The following MITF variants were observed in gnomAD, a reference collection of about 807,000 sequenced individuals.
MITF encodes the protein melanocyte inducing transcription factor.
MITF carries 17 observed loss-of-function variants against 60.5 expected under a neutral mutation model. That is an observed-to-expected ratio of 0.28 (90% CI 0.19 to 0.42). The LOEUF (loss-of-function observed/expected upper bound fraction) is 0.42. Ranked by LOEUF, MITF falls within the 10% of genes least tolerant of loss-of-function variation. The pLI is 1.00. For synonymous variants in MITF, 260 were observed against 248.5 expected, an observed-to-expected ratio of 1.05 and a Z score of -0.43; for missense variants, 622 against 683.5, an observed-to-expected ratio of 0.91 and a Z score of 1.00.
chr3:69,798,365 C>G (rs2062864461), intron 1 of MITF, among the ~76,000 whole-genome samples: 1 of 152,090 alleles, frequency 6.6e-6, no homozygotes, highest in Non-Finnish European at 1.5e-5. Context: ...TCACTTAGTC[C>G]CCTTGGAGTC....
At chr3:69,947,975 C>A (rs2066141592) in intron 5 of MITF, among the ~76,000 whole-genome samples, 1 of 152,174 alleles carries the variant, frequency 6.6e-6, no homozygotes, top group African/African-American at 2.4e-5. Context: ...TTACTAGATA[C>A]TTCTCAGTCA....
chr3:69,823,082 T>C (rs1449072611), intron 1 of MITF, among the ~76,000 whole-genome samples: 4 of 152,180 alleles, frequency 2.6e-5, no homozygotes, highest in Non-Finnish European at 5.9e-5. Flanking sequence ...TTTTGCCATG[T>C]TGGCCAGGCT....
intron 1 of MITF, among the ~76,000 whole-genome samples, chr3:69,845,843 T>C (rs1289755253): frequency 3.9e-5 from 6 of 152,230 alleles, no homozygotes; most frequent in Admixed American, 6.5e-5. Flanking sequence ...TTTTCTTTAA[T>C]GTCCCTCTTA....
At chr3:69,935,361 A>G (rs1559730603) in intron 2 of MITF, among the ~76,000 whole-genome samples, 2 of 152,238 alleles carry the variant, frequency 1.3e-5, no homozygotes, top group South Asian at 4.1e-4. Flanking sequence ...CTGATTCATT[A>G]AAGAATTAGG....
chr3:69,828,470 G>A (rs910247128), intron 1 of MITF, among the ~76,000 whole-genome samples: 1 of 152,014 alleles, frequency 6.6e-6, no homozygotes, highest in African/African-American at 2.4e-5. Context: ...CTAGAATAAA[G>A]GAAACCACTT....
intron 1 of MITF, among the ~76,000 whole-genome samples, chr3:69,742,718 G>A (rs1218838881): frequency 6.6e-6 from 1 of 152,224 alleles, no homozygotes; most frequent in Non-Finnish European, 1.5e-5. Context: ...CTGTGGGAAA[G>A]TATTAGCATG....
At chr3:69,928,481 A>C (rs1199089968) in intron 2 of MITF, among the ~76,000 whole-genome samples, 1 of 152,210 alleles carries the variant, frequency 6.6e-6, no homozygotes, top group Non-Finnish European at 1.5e-5. Context: ...GGGTTAATGA[A>C]TAAAGTAGTC....
intron 2 of MITF, among the ~76,000 whole-genome samples, chr3:69,930,060 A>G (rs1424183617): frequency 5.9e-5 from 9 of 152,180 alleles, no homozygotes; most frequent in Admixed American, 5.9e-4. Flanking sequence ...GGAGTTGCCA[A>G]CTGTGAAAAT....
At chr3:69,939,265 T>G in intron 4 of MITF, 84 bp downstream of exon 4, 1 of 1,271,948 alleles carries the variant, frequency 7.9e-7, no homozygotes, top group Non-Finnish European at 1.1e-6. Flanking sequence ...CCTGAAAACT[T>G]AAGCATTTTT....
At chr3:69,759,898 C>A (rs960060654) in intron 1 of MITF, among the ~76,000 whole-genome samples, 4 of 152,208 alleles carry the variant, frequency 2.6e-5, no homozygotes, top group African/African-American at 4.8e-5. Flanking sequence ...CTGCCTCAGC[C>A]TCCCAAGTAG....
At chr3:69,765,075 G>T (rs937535007) in intron 1 of MITF, among the ~76,000 whole-genome samples, 8 of 152,156 alleles carry the variant, frequency 5.3e-5, no homozygotes, top group Non-Finnish European at 1.0e-4. Flanking sequence ...CTGCTGGGTG[G>T]TATTGATTGA....
chr3:69,951,998 C>G, intron 7 of MITF, 112 bp downstream of exon 7: 1 of 800,996 alleles, frequency 1.2e-6, no homozygotes, highest in East Asian at 2.7e-5. Flanking sequence ...TGTTAAAATT[C>G]TCTCTTATGG....
intron 1 of MITF, among the ~76,000 whole-genome samples, chr3:69,870,503 C>T (rs1469959116): frequency 6.8e-6 from 1 of 148,054 alleles, no homozygotes. Context: ...GGCGGGATAT[C>T]CGCTCACTGC....
chr3:69,786,831 A>C (rs766310280), intron 1 of MITF, among the ~76,000 whole-genome samples: 2 of 152,234 alleles, frequency 1.3e-5, no homozygotes, highest in Non-Finnish European at 2.9e-5. Flanking sequence ...AAGTCCAACT[A>C]CAGCAACAAA....
intron 2 of MITF, among the ~76,000 whole-genome samples, chr3:69,901,455 T>G (rs761663773): frequency 2.6e-5 from 4 of 152,146 alleles, no homozygotes; most frequent in Non-Finnish European, 5.9e-5. Context: ...TTTTTAGCCC[T>G]GTCACCCTGA....
intron 6 of MITF, among the ~76,000 whole-genome samples, chr3:69,949,716 T>TAAAA: frequency 1.3e-5 from 2 of 152,294 alleles, no homozygotes; most frequent in Admixed American, 1.3e-4. Flanking sequence ...GCAATGGATA[T>TAAAA]TATTTGTTCT....
At chr3:69,805,396 CAAAAA>C (rs1445801957) in intron 1 of MITF, among the ~76,000 whole-genome samples, 1 of 152,046 alleles carries the variant, frequency 6.6e-6, no homozygotes, top group African/African-American at 2.4e-5. Context: ...TTGGGTGGAG[CAAAAA>C]AGAATGAGGC....
intron 1 of MITF, among the ~76,000 whole-genome samples, chr3:69,832,125 T>C (rs1026934259): frequency 2.0e-5 from 3 of 152,202 alleles, no homozygotes; most frequent in African/African-American, 7.2e-5. Flanking sequence ...TTTTGTTCAC[T>C]CTCATGGTTT....
intron 1 of MITF, among the ~76,000 whole-genome samples, chr3:69,808,643 A>G (rs950172953): frequency 5.9e-5 from 9 of 152,106 alleles, no homozygotes; most frequent in African/African-American, 2.2e-4. Context: ...AGGAATTGCC[A>G]GAAGACCAGG....
Sources: gnomAD v4.1 joint callset for allele counts (sites outside exome capture counted in the v4.1 genomes callset) on GRCh38, gnomAD v4.1.1 for gene constraint, MANE v1.5 for transcripts, NCBI Gene and HGNC (gene_info 2026-07-23, HGNC 2026-07-21) for gene names.